CNTN5: variants seen among roughly 807,000 people sequenced by gnomAD.
The protein encoded by CNTN5 is contactin 5.
CNTN5 carries 77 observed loss-of-function variants against 129.1 expected under a neutral mutation model. The observed-to-expected ratio is 0.60, with a 90% CI of 0.50 to 0.72. The LOEUF is 0.72. Ranked by LOEUF, CNTN5 falls within the 30% of genes least tolerant of loss-of-function variation. The pLI is 0.00. For missense variants in CNTN5, 1,478 were observed against 1,328.8 expected, an observed-to-expected ratio of 1.11 and a Z score of -1.75; for synonymous variants, 509 against 465.6, an observed-to-expected ratio of 1.09 and a Z score of -1.20.
chr11:100,042,007 A>T (rs1942405488), intron 9 of CNTN5, among the ~76,000 whole-genome samples: 1 of 152,168 alleles, frequency 6.6e-6, no homozygotes, highest in South Asian at 2.1e-4. Context: ...ATTATCCCTG[A>T]AGGCCAATTA....
rs1334610304 is a variant in CNTN5, at chr11:100,191,161, TA to T, written c.1619del (p.Asn540MetfsTer24). ...CTTCCAGACGGGAGTCTACGGATCC[TA>T]AATGCTTCCAAATCAGACGAGGGAA... Reference protein sequence around the residue: ...AILPDGSLRILNASKSDEGKY... With the variant: ...AILPDGSLRIXNASKSDEGKY... On this transcript the variant is annotated frameshift_variant, in exon 14 of 25. Transcript: ENST00000524871. LOFTEE classifies it high-confidence loss of function. 1 of 1,610,838 alleles carries T rather than the reference TA, an allele frequency of 6.2e-7. No homozygotes were observed. The highest frequency in any genetic ancestry group is 1.3e-5 in the African/African-American group (1 of 74,770).
intron 2 of CNTN5, among the ~76,000 whole-genome samples, chr11:99,383,624 TCA>T (rs1289702282): frequency 1.3e-5 from 2 of 152,012 alleles, no homozygotes; most frequent in Admixed American, 1.3e-4. Context: ...GGCATTAAAC[TCA>T]CATAACTATA....
At chr11:99,816,797 C>A (rs1489137401) in intron 3 of CNTN5, among the ~76,000 whole-genome samples, 1 of 152,158 alleles carries the variant, frequency 6.6e-6, no homozygotes, top group African/African-American at 2.4e-5. Context: ...TTCAGCCTTA[C>A]ATGTCCTCCC....
chr11:100,011,298 G>A (rs997461356), intron 9 of CNTN5, among the ~76,000 whole-genome samples: 10 of 152,118 alleles, frequency 6.6e-5, no homozygotes, highest in Non-Finnish European at 1.3e-4. Flanking sequence ...AGTAAAATCT[G>A]GTCACTGATG....
intron 3 of CNTN5, among the ~76,000 whole-genome samples, chr11:99,802,420 T>A (rs1461359191): frequency 6.6e-6 from 1 of 152,128 alleles, no homozygotes; most frequent in Non-Finnish European, 1.5e-5. Flanking sequence ...TGTCCCCTAA[T>A]GGCAGGCAAG....
chr11:99,792,520 G>T (rs1353726551), intron 3 of CNTN5, among the ~76,000 whole-genome samples: 1 of 146,556 alleles, frequency 6.8e-6, no homozygotes, highest in Non-Finnish European at 1.5e-5. Flanking sequence ...GATTATTGAG[G>T]ATATTGGCCT....
chr11:99,988,903 G>A (rs1419163016), intron 8 of CNTN5, among the ~76,000 whole-genome samples: 1 of 151,636 alleles, frequency 6.6e-6, no homozygotes, highest in Non-Finnish European at 1.5e-5. Context: ...CATAACTTAG[G>A]TTTGCCTTAA....
At chr11:99,897,778 AT>A (rs761162361) in intron 6 of CNTN5, among the ~76,000 whole-genome samples, 13 of 152,206 alleles carry the variant, frequency 8.5e-5, no homozygotes, top group Non-Finnish European at 1.8e-4. Flanking sequence ...TATGTCAGGA[AT>A]AAAAACTTAC....
intron 6 of CNTN5, among the ~76,000 whole-genome samples, chr11:99,897,785 C>G (rs1363903962): frequency 3.3e-5 from 5 of 152,076 alleles, no homozygotes; most frequent in African/African-American, 9.7e-5. Flanking sequence ...GGAATAAAAA[C>G]TTACATATCA....
At chr11:99,965,171 T>A (rs543493239) in intron 8 of CNTN5, among the ~76,000 whole-genome samples, 2 of 152,346 alleles carry the variant, frequency 1.3e-5, no homozygotes, top group African/African-American at 4.8e-5. Flanking sequence ...TTAATTCTGC[T>A]CTGATCTTAG....
At chr11:99,921,192 A>G (rs1274317911) in intron 7 of CNTN5, among the ~76,000 whole-genome samples, 1 of 152,182 alleles carries the variant, frequency 6.6e-6, no homozygotes, top group Non-Finnish European at 1.5e-5. Context: ...CTCATGCACC[A>G]TCTCATTCAG....
chr11:99,105,616 A>G (rs1866959128), intron 1 of CNTN5, among the ~76,000 whole-genome samples: 1 of 152,174 alleles, frequency 6.6e-6, no homozygotes, highest in African/African-American at 2.4e-5. Context: ...TTCAAACATG[A>G]CAAAGACAAG....
intron 8 of CNTN5, among the ~76,000 whole-genome samples, chr11:99,966,571 TTTGAGG>T (rs1951099931): frequency 6.6e-6 from 1 of 152,226 alleles, no homozygotes; most frequent in African/African-American, 2.4e-5. Flanking sequence ...TCTCTTGTTC[TTTGAGG>T]TTGCCCTCAA....
intron 2 of CNTN5, among the ~76,000 whole-genome samples, chr11:99,372,676 T>G (rs893105599): frequency 1.3e-5 from 2 of 152,228 alleles, no homozygotes; most frequent in African/African-American, 4.8e-5. Context: ...GGACGCACTT[T>G]TTTTCTTTAT....
At chr11:99,628,568 C>G (rs1323781408) in intron 3 of CNTN5, among the ~76,000 whole-genome samples, 1 of 149,672 alleles carries the variant, frequency 6.7e-6, no homozygotes, top group Non-Finnish European at 1.5e-5. Context: ...TTATGTCTAT[C>G]TACACACACT....
At chr11:99,563,329 C>T (rs913413894) in intron 3 of CNTN5, among the ~76,000 whole-genome samples, 14 of 152,148 alleles carry the variant, frequency 9.2e-5, no homozygotes, top group African/African-American at 3.4e-4. Flanking sequence ...ATTGTCAAAT[C>T]TGTTTTCTGA....
At chr11:99,429,624 G>C (rs777449549) in intron 2 of CNTN5, among the ~76,000 whole-genome samples, 13 of 151,888 alleles carry the variant, frequency 8.6e-5, no homozygotes, top group Non-Finnish European at 1.8e-4. Flanking sequence ...TTTTTAAGGA[G>C]TACAATTTTA....
At chr11:99,836,690 T>C (rs1196936459) in intron 4 of CNTN5, among the ~76,000 whole-genome samples, 1 of 152,196 alleles carries the variant, frequency 6.6e-6, no homozygotes, top group Non-Finnish European at 1.5e-5. Flanking sequence ...ATGGTATTTC[T>C]AGTTCTAGAT....
intron 8 of CNTN5, among the ~76,000 whole-genome samples, chr11:99,960,768 C>T (rs186324014): frequency 5.3e-5 from 8 of 151,898 alleles, no homozygotes; most frequent in African/African-American, 9.7e-5. Flanking sequence ...TAAGAAATCA[C>T]GGGGAGAGAG....
Sources: allele counts gnomAD v4.1 joint callset (sites outside exome capture counted in the v4.1 genomes callset), GRCh38; gene constraint gnomAD v4.1.1; transcripts MANE v1.5; gene names NCBI Gene and HGNC (gene_info 2026-07-23, HGNC 2026-07-21).